CSMD3: variants seen among roughly 807,000 people sequenced by gnomAD.
CSMD3 encodes the protein CUB and Sushi multiple domains 3.
In CSMD3, 177 loss-of-function variants were observed where a neutral mutation model predicts 435.2. The observed-to-expected ratio is 0.41, with a 90% CI of 0.36 to 0.46. The LOEUF (loss-of-function observed/expected upper bound fraction) is 0.46. Ranked by LOEUF, CSMD3 falls within the 20% of genes least tolerant of loss-of-function variation. CSMD3 has a pLI of 0.34. For missense variants in CSMD3, 4,265 were observed against 4,504.6 expected (o/e 0.95, Z 1.52); for synonymous variants, 1,656 against 1,520.5 (o/e 1.09, Z -2.07).
chr8:112,465,847 C>T (rs931987410), intron 32 of CSMD3, among the ~76,000 whole-genome samples: 2 of 151,690 alleles, frequency 1.3e-5, no homozygotes, highest in Non-Finnish European at 2.9e-5. Context: ...TGGTGGTGGG[C>T]GCCTATAATC....
intron 13 of CSMD3, among the ~76,000 whole-genome samples, chr8:112,760,015 G>A (rs2077799138): frequency 1.3e-5 from 2 of 152,084 alleles, no homozygotes; most frequent in Admixed American, 1.3e-4. Flanking sequence ...AGGTCACAAT[G>A]CTAATAAGTA....
At chr8:112,901,899 G>A (rs912242888) in intron 10 of CSMD3, among the ~76,000 whole-genome samples, 32 of 151,344 alleles carry the variant, frequency 2.1e-4, no homozygotes, top group Non-Finnish European at 7.4e-5. Context: ...GGGAAGAGGA[G>A]TTAATGAGGC....
intron 35 of CSMD3, among the ~76,000 whole-genome samples, chr8:112,395,512 C>A (rs1830785302): frequency 1.3e-5 from 2 of 152,050 alleles, no homozygotes; most frequent in South Asian, 4.2e-4. Context: ...ACAGGTGTTG[C>A]CATGGAGACT....
intron 6 of CSMD3, among the ~76,000 whole-genome samples, chr8:113,002,494 A>C (rs1273624343): frequency 2.6e-5 from 4 of 152,118 alleles, no homozygotes; most frequent in Admixed American, 6.6e-5. Context: ...TTAATGATGC[A>C]ATTAGCTTCA....
intron 6 of CSMD3, among the ~76,000 whole-genome samples, chr8:113,016,301 C>T (rs1300218759): frequency 6.6e-6 from 1 of 151,762 alleles, no homozygotes; most frequent in Non-Finnish European, 1.5e-5. Flanking sequence ...GCATGCTATT[C>T]TCAGTCTCTA....
rs115479590 is a variant in CSMD3 at position 112,768,306 on chromosome 8, C to T, written c.1972+31856G>A. Among the ~76,000 whole-genome samples, 707 of 151,808 alleles carry T rather than the reference C, an allele frequency of 4.7e-3. 8 individuals carry two copies. Among genetic ancestry groups the T allele is most frequent in the African/African-American group, 0.015 (620 of 41,472 alleles). ...AGAAAACCTGGGTGTGGTGAGAGTT[C>T]GTAAAAACTAAAAAACAGTGAAGAT... On this transcript the variant is annotated intron_variant, in intron 13 of 70. Coordinates refer to ENST00000297405, the MANE Select transcript of CSMD3 (RefSeq NM_198123.2).
Position 112,556,911 on chromosome 8 carries a change from A to G in CSMD3, c.4086T>C (p.Phe1362=), listed in dbSNP as rs1828171177. ...SHCEDPGIPQ[F]GYKISDQGHF... The stretch of plus-strand genomic sequence containing the variant: ...GGCCTTGGTCACTGATCTTGTATCC[A>G]AATTGTGGAATGCCAGGATCTTCAC... The change falls in exon 25 of 71, where the codon TTT becomes TTC. Residue 1362 remains phenylalanine, a synonymous_variant. Transcript: ENST00000297405. The G allele has an allele frequency of 9.3e-6, 15 of 1,612,420 alleles. No homozygotes were observed. The highest frequency in any genetic ancestry group is 1.3e-5 in the Non-Finnish European group (15 of 1,178,984).
Position 112,382,494 on chromosome 8 carries a change from C to T in CSMD3, c.6031+1073G>A, listed in dbSNP as rs1829564540. On this transcript the variant is annotated intron_variant, in intron 37 of 70. Coordinates refer to ENST00000297405, the MANE Select transcript of CSMD3 (RefSeq NM_198123.2). Reference sequence around the variant, plus strand: ...TGATAAGTAATTGGTTCCACAAGTCCATTTAAAAATCTCTTAAAAGCTTAA... The same window carrying T: ...TGATAAGTAATTGGTTCCACAAGTCTATTTAAAAATCTCTTAAAAGCTTAA... Among the ~76,000 whole-genome samples the T allele has an allele frequency of 2.6e-5, 4 of 152,030 alleles. No individual in the cohort carries two copies. In the South Asian group the frequency reaches 8.3e-4, roughly 32 times the overall value.
chr8:113,431,337 T>A (rs1234035068), intron 1 of CSMD3, among the ~76,000 whole-genome samples: 1 of 152,242 alleles, frequency 6.6e-6, no homozygotes, highest in Admixed American at 6.5e-5. Flanking sequence ...TATGTTTTAA[T>A]GTACATGTAA....
intron 38 of CSMD3, among the ~76,000 whole-genome samples, chr8:112,375,666 T>A (rs1266056530): frequency 6.6e-6 from 1 of 151,630 alleles, no homozygotes; most frequent in Non-Finnish European, 1.5e-5. Flanking sequence ...ATATTAATGA[T>A]CATATCTTAT....
chr8:112,735,582 A>G (rs2077169242), intron 13 of CSMD3, among the ~76,000 whole-genome samples: 1 of 152,046 alleles, frequency 6.6e-6, no homozygotes, highest in Non-Finnish European at 1.5e-5. Flanking sequence ...CTTCCTCACA[A>G]GACACTTACA....
intron 28 of CSMD3, among the ~76,000 whole-genome samples, chr8:112,507,575 C>T: frequency 6.6e-6 from 1 of 152,182 alleles, no homozygotes; most frequent in East Asian, 1.9e-4. Flanking sequence ...ATGTCTCCTA[C>T]ACATAATCAG....
In CSMD3 at chr8:112,501,326, G is replaced by A. The variant is rs1469608739; in HGVS notation, c.5083+2464C>T. On this transcript the variant is annotated intron_variant, in intron 30 of 70. Transcript: ENST00000297405. ...TAATAATTGAATGAACTCGGGAGGC[G>A]GAGGTTGCAGTGAGCTGAGATCACC... Among the ~76,000 whole-genome samples the A allele has an allele frequency of 5.9e-5, 9 of 151,560 alleles. No homozygotes were observed. In the East Asian group the frequency reaches 1.4e-3, roughly 23 times the overall value.
chr8:113,232,420 C>T (rs139093436), intron 3 of CSMD3, among the ~76,000 whole-genome samples: 7 of 151,582 alleles, frequency 4.6e-5, no homozygotes, highest in Admixed American at 4.0e-4. Flanking sequence ...TTAACGTGCA[C>T]GAAAATACAT....
At chr8:112,668,344 G>C (rs894849265) in intron 16 of CSMD3, among the ~76,000 whole-genome samples, 3 of 152,094 alleles carry the variant, frequency 2.0e-5, no homozygotes, top group Non-Finnish European at 2.9e-5. Flanking sequence ...CCAAAATACA[G>C]AGTATTTCTG....
At chr8:112,485,231 A>G (rs987495954) in intron 31 of CSMD3, among the ~76,000 whole-genome samples, 3 of 152,104 alleles carry the variant, frequency 2.0e-5, no homozygotes, top group Non-Finnish European at 4.4e-5. Flanking sequence ...TGCAATGCAA[A>G]ATACATTAAA....
intron 4 of CSMD3, among the ~76,000 whole-genome samples, chr8:113,114,664 C>G (rs756629649): frequency 6.6e-6 from 1 of 151,992 alleles, no homozygotes; most frequent in Admixed American, 6.6e-5. Flanking sequence ...AAAAAGCATC[C>G]TACTGTAGAC....
rs1470420227 is a variant in CSMD3 at position 112,353,451 on chromosome 8, C to T, written c.6137-917G>A. 2.0e-5 allele frequency among the ~76,000 whole-genome samples: 3 copies of T among 152,066 alleles called. No homozygotes were observed. In the East Asian group the frequency reaches 5.8e-4, roughly 29 times the overall value. ...ATTGAGACCTGAAAAGTATTATGTG[C>T]TACTTGAATTCAGTATTTTTCTGAT... On this transcript the variant is annotated intron_variant, in intron 38 of 70. Coordinates refer to ENST00000297405, the MANE Select transcript of CSMD3 (RefSeq NM_198123.2).
intron 27 of CSMD3, among the ~76,000 whole-genome samples, chr8:112,524,646 T>G (rs1824667608): frequency 6.6e-6 from 1 of 151,822 alleles, no homozygotes; most frequent in Admixed American, 6.6e-5. Context: ...ACTGAAAAAA[T>G]TATTAAGCAT....
Sources: gnomAD v4.1 joint callset for allele counts (sites outside exome capture counted in the v4.1 genomes callset) on GRCh38, gnomAD v4.1.1 for gene constraint, MANE v1.5 for transcripts, NCBI Gene and HGNC (gene_info 2026-07-23, HGNC 2026-07-21) for gene names.